Variants in SLC17A6 observed in about 807,000 individuals in gnomAD.
SLC17A6 encodes vesicular glutamate transporter 2.
In SLC17A6, 35 loss-of-function variants were observed where a neutral mutation model predicts 67.1. The observed-to-expected ratio is 0.52, with a 90% confidence interval of 0.40 to 0.69. The LOEUF is 0.69. Ranked by LOEUF, SLC17A6 falls within the 30% of genes least tolerant of loss-of-function variation. SLC17A6 has a pLI of 0.00. For synonymous variants in SLC17A6, 285 were observed against 252.3 expected, an observed-to-expected ratio of 1.13 and a Z score of -1.23; for missense variants, 588 against 723.9, an observed-to-expected ratio of 0.81 and a Z score of 2.15.
chr11:22,366,336 G>C (rs899389175), intron 7 of SLC17A6, among the ~76,000 whole-genome samples: 1 of 151,846 alleles, frequency 6.6e-6, no homozygotes, highest in Non-Finnish European at 1.5e-5. Context: ...AAGTGAAACC[G>C]CGGTTAAGGG....
At chr11:22,373,175 A>G (rs1856193314) in intron 8 of SLC17A6, among the ~76,000 whole-genome samples, 1 of 152,156 alleles carries the variant, frequency 6.6e-6, no homozygotes, top group African/African-American at 2.4e-5. Context: ...ATAACAGAGG[A>G]TTTTCAATTA....
At chr11:22,365,098 T>A (rs1236379973) in intron 6 of SLC17A6, among the ~76,000 whole-genome samples, 1 of 152,168 alleles carries the variant, frequency 6.6e-6, no homozygotes, top group Non-Finnish European at 1.5e-5. Context: ...AAAGAGCAAT[T>A]CTTTTCTCTG....
chr11:22,347,937 C>T (rs796826745), intron 3 of SLC17A6, among the ~76,000 whole-genome samples: 25 of 152,248 alleles, frequency 1.6e-4, no homozygotes, highest in African/African-American at 5.8e-4. Flanking sequence ...TCTAACTTGA[C>T]TTTTTCTAAA....
chr11:22,341,953 C>G (rs1418068507), intron 2 of SLC17A6, among the ~76,000 whole-genome samples, 173 bp downstream of exon 2: 1 of 152,192 alleles, frequency 6.6e-6, no homozygotes, highest in African/African-American at 2.4e-5. Context: ...TATCAGTTCC[C>G]TTTTCGCTCT....
intron 2 of SLC17A6, 139 bp from the exon 3 acceptor site, chr11:22,343,108 G>A (rs1855836051): frequency 1.3e-6 from 1 of 754,550 alleles, no homozygotes; most frequent in Admixed American, 2.2e-5. Context: ...GTTAGGAAAC[G>A]AAAATGAAGC....
intron 9 of SLC17A6, 116 bp downstream of exon 9, chr11:22,375,003 T>C: frequency 9.6e-7 from 1 of 1,041,886 alleles, no homozygotes; most frequent in African/African-American, 1.6e-5. Flanking sequence ...ATTTGTGCCT[T>C]CATTATTCAC....
rs530678790 is a variant in SLC17A6 at position 22,350,043 on chromosome 11, C to T, written c.458+6678C>T. 9.2e-5 allele frequency among the ~76,000 whole-genome samples: 14 copies of T among 152,202 alleles called. No individual in the cohort carries two copies. In the East Asian group the frequency reaches 1.4e-3, roughly 15 times the overall value. ...GACAAGTCACCAGTGCTCCTTTCAC[C>T]TTTTCTGGGCAAATCATTTTGGGGT... On this transcript the variant is annotated intron_variant, in intron 3 of 11. Coordinates refer to ENST00000263160, the MANE Select transcript of SLC17A6 (RefSeq NM_020346.3).
At chr11:22,373,350 T>C (rs980259155) in intron 8 of SLC17A6, among the ~76,000 whole-genome samples, 7 of 152,170 alleles carry the variant, frequency 4.6e-5, no homozygotes, top group Non-Finnish European at 7.4e-5. Flanking sequence ...AATGTTTTTG[T>C]TGTTGTTCAA....
intron 4 of SLC17A6, among the ~76,000 whole-genome samples, chr11:22,360,374 T>C (rs1266151613): frequency 1.3e-5 from 2 of 152,024 alleles, no homozygotes; most frequent in Admixed American, 1.3e-4. Context: ...TAATGAATGC[T>C]GGGCTTAATA....
chr11:22,374,018 G>A (rs1361129485), intron 8 of SLC17A6, among the ~76,000 whole-genome samples: 5 of 152,228 alleles, frequency 3.3e-5, no homozygotes, highest in Admixed American at 6.5e-5. Flanking sequence ...TTAAGTCCAC[G>A]TATGCGGTAA....
Position 22,338,573 on chromosome 11 carries a change from G to A in SLC17A6, c.40G>A (p.Glu14Lys), listed in dbSNP as rs768950841. The A allele has an allele frequency of 4.3e-6, 7 of 1,613,830 alleles. No homozygotes were observed. Among genetic ancestry groups the A allele is most frequent in the Non-Finnish European group, 5.9e-6 (7 of 1,179,862 alleles). ...ACAAAGGATTTTGGCCCCAGGAAAA[G>A]AGGGGCTAAAGAATTTTGCTGGAAA... The part of the protein sequence containing the change: ...VKQRILAPGK[E>K]GLKNFAGKSL... Residue 14 changes from glutamate (E) to lysine (K), a missense_variant, in exon 1 of 12, where the codon GAG (glutamate) becomes AAG (lysine). Glu to Lys is a moderately conservative substitution (Grantham distance 56, BLOSUM62 1). Coordinates refer to ENST00000263160, the MANE Select transcript of SLC17A6 (RefSeq NM_020346.3).
chr11:22,351,025 TA>T (rs1217221013), intron 3 of SLC17A6, among the ~76,000 whole-genome samples: 1 of 152,120 alleles, frequency 6.6e-6, no homozygotes, highest in Non-Finnish European at 1.5e-5. Flanking sequence ...TATTTAATTT[TA>T]CAAAATGTAT....
chr11:22,376,269 T>G lies in SLC17A6; in HGVS notation c.1285+177T>G, dbSNP rs141697453. 2.0e-5 allele frequency among the ~76,000 whole-genome samples: 3 copies of G among 152,318 alleles called. No homozygotes were observed. In the East Asian group the frequency reaches 5.8e-4, roughly 29 times the overall value. On this transcript the variant is annotated intron_variant, in intron 10 of 11. Coordinates refer to ENST00000263160, the MANE Select transcript of SLC17A6 (RefSeq NM_020346.3). ...TAAAATATTGAGAAAACATTTAGAT[T>G]TGTTAATACTCAATTTCCTCCTGGA...
At chr11:22,343,766 G>GCTCC (rs1855845863) in intron 3 of SLC17A6, among the ~76,000 whole-genome samples, 1 of 152,176 alleles carries the variant, frequency 6.6e-6, no homozygotes, top group Non-Finnish European at 1.5e-5. Flanking sequence ...AGGCTCCCAG[G>GCTCC]CTCCCCGAGG....
chr11:22,343,043 A>T, intron 2 of SLC17A6: 1 of 629,626 alleles, frequency 1.6e-6, no homozygotes, highest in Non-Finnish European at 2.9e-6. Context: ...CCTCACTATT[A>T]ATCACAATAC....
intron 1 of SLC17A6, 139 bp downstream of exon 1, chr11:22,338,758 T>A: frequency 1.5e-6 from 1 of 649,772 alleles, no homozygotes; most frequent in Non-Finnish European, 2.7e-6. Flanking sequence ...GGAGCGGGGG[T>A]GCTCTGGAAA....
chr11:22,348,378 A>G (rs1855901584), intron 3 of SLC17A6, among the ~76,000 whole-genome samples: 1 of 152,208 alleles, frequency 6.6e-6, no homozygotes, highest in African/African-American at 2.4e-5. Flanking sequence ...TTTTGGCAGG[A>G]GAATCATACT....
chr11:22,339,183 A>ATATATGTTATATATATATATTTT lies in SLC17A6; in HGVS notation c.86+569_86+570insGTTATATATATATATTTTTATAT, dbSNP rs1564976566. On this transcript the variant is annotated intron_variant, in intron 1 of 11. Coordinates refer to ENST00000263160, the MANE Select transcript of SLC17A6 (RefSeq NM_020346.3). ...TATATATGTTATATATATATGTTTT[A>ATATATGTTATATATATATATTTT]TATATATATATATATATATATGTTA... Among the ~76,000 whole-genome samples the ATATATGTTATATATATATATTTT allele has an allele frequency of 4.3e-4, 10 of 23,198 alleles. 4 individuals carry two copies. The highest frequency in any genetic ancestry group is 2.4e-3 in the African/African-American group (10 of 4,190). The allele number at this position is 23,198 out of a possible 152,430, so 15.2% of individuals were successfully genotyped here.
In SLC17A6 at chr11:22,377,444, C is replaced by G. The variant is rs181306714; in HGVS notation, c.1453C>G (p.Leu485Val). The change falls in exon 12 of 12, where the codon CTA becomes GTA. Residue 485 changes from leucine (L) to valine (V), a missense_variant. Coordinates refer to ENST00000263160, the MANE Select transcript of SLC17A6 (RefSeq NM_020346.3). Reference protein sequence around the residue: ...EWQYVFLIAALVHYGGVIFYA... With the variant: ...EWQYVFLIAAVVHYGGVIFYA... The stretch of plus-strand genomic sequence containing the variant: ...GCAGTATGTCTTCCTGATCGCTGCC[C>G]TAGTCCACTATGGTGGAGTTATATT... 6.2e-7 allele frequency: 1 copy of G among 1,613,622 alleles called. No homozygotes were observed. The highest frequency in any genetic ancestry group is 2.2e-5 in the East Asian group (1 of 44,864).
Sources: allele counts gnomAD v4.1 joint callset (sites outside exome capture counted in the v4.1 genomes callset), GRCh38; gene constraint gnomAD v4.1.1; transcripts MANE v1.5; gene names NCBI Gene and HGNC (gene_info 2026-07-23, HGNC 2026-07-21).